Variants in CYP4F11 observed in about 807,000 individuals in gnomAD.
CYP4F11 encodes the protein cytochrome P450 family 4 subfamily F member 11.
CYP4F11 carries 79 observed loss-of-function variants against 62.2 expected under a neutral mutation model. The ratio of observed to expected loss-of-function variants is 1.27; its 90% confidence interval spans 1.06 to 1.53. The LOEUF (loss-of-function observed/expected upper bound fraction) is 1.53. Among genes scored for constraint, CYP4F11 ranks in the 40% most tolerant of loss-of-function variants. CYP4F11 has a pLI of 0.00. For synonymous variants in CYP4F11, 290 were observed against 263.7 expected (o/e 1.10, Z -0.97); for missense variants, 777 against 680.5 (o/e 1.14, Z -1.58).
At chr19:15,924,186 G>C in intron 5 of CYP4F11, 104 bp from the exon 6 acceptor site, 2 of 1,403,350 alleles carry the variant, frequency 1.4e-6, no homozygotes, top group South Asian at 1.3e-5. Context: ...TCCAGAAACA[G>C]CCAGGAGACT....
At chr19:15,928,203 A>G (rs967619805) in intron 2 of CYP4F11, 1 of 152,196 alleles carries the variant, frequency 6.6e-6, no homozygotes, top group Admixed American at 6.5e-5. Context: ...ACAATCTCAC[A>G]CTACATCTCA....
chr19:15,922,469 C>G (rs1230502053), intron 6 of CYP4F11, 39 bp from the exon 7 acceptor site: 1 of 1,601,322 alleles, frequency 6.2e-7, no homozygotes, highest in South Asian at 1.1e-5. Flanking sequence ...CCCCAAATCA[C>G]ACCAGCTCTG....
At chr19:15,934,106 C>G (rs1250227983) in intron 1 of CYP4F11, 105 bp downstream of exon 1, 3 of 1,249,576 alleles carry the variant, frequency 2.4e-6, no homozygotes, top group Non-Finnish European at 3.4e-6. Context: ...CTCTGTGTTC[C>G]CACACCCCAG....
At chr19:15,917,928 A>T (rs1004706222) in intron 8 of CYP4F11, among the ~76,000 whole-genome samples, 2 of 152,208 alleles carry the variant, frequency 1.3e-5, no homozygotes, top group African/African-American at 4.8e-5. Flanking sequence ...CAGAAATCCC[A>T]TTACTGGGTA....
rs192594623 is a variant in CYP4F11 at position 15,928,632 on chromosome 19, A to G, written c.343+825T>C. Among the ~76,000 whole-genome samples, 37 of 152,314 alleles carry G rather than the reference A, an allele frequency of 2.4e-4. No individual in the cohort carries two copies. In the East Asian group the frequency reaches 7.1e-3, roughly 29 times the overall value. On this transcript the variant is annotated intron_variant, in intron 2 of 11. Coordinates refer to ENST00000402119, the MANE Select transcript of CYP4F11 (RefSeq NM_021187.4). ...CTGAAAGAGACTTCAGCAGCCAGAG[A>G]GAGCTGAGGACCTGCCCAGAGTCAC...
At position 15,931,621 on chromosome 19, in the gene CYP4F11, CGAGG is replaced by C. The variant is rs1189449197; in HGVS notation, c.199-2024_199-2021del. ...GTGAGTGAGGAGAGGAATGAGTGAGCGAGGAGAGGAATGAGTGAGCGAGGAGAGG... is the reference window on the plus strand; with the variant it reads ...GTGAGTGAGGAGAGGAATGAGTGAGCAGAGGAATGAGTGAGCGAGGAGAGG... On this transcript the variant is annotated intron_variant, in intron 1 of 11. Coordinates refer to ENST00000402119, the MANE Select transcript of CYP4F11 (RefSeq NM_021187.4). Among the ~76,000 whole-genome samples the C allele has an allele frequency of 7.6e-3, 184 of 24,350 alleles. 4 individuals are homozygous for C. The highest frequency in any genetic ancestry group is 0.024 in the Middle Eastern group (1 of 42). 16.0% of individuals were successfully genotyped at this position (24,350 alleles called of 152,430 possible). A position where few individuals can be genotyped will look rare whatever the true frequency, so the allele number is the denominator to read the frequency against.
Position 15,913,370 on chromosome 19 carries a change from G to C in CYP4F11, c.*362C>G, listed in dbSNP as rs1284331919. 3.3e-6 allele frequency: 1 copy of C among 303,630 alleles called. No individual in the cohort carries two copies. The highest frequency in any genetic ancestry group is 6.3e-6 in the Non-Finnish European group (1 of 158,024). 18.8% of individuals were successfully genotyped at this position (303,630 alleles called of 1,614,324 possible). On this transcript the variant is annotated 3_prime_UTR_variant, in exon 12 of 12. Transcript: ENST00000402119. ...AGGACATTCCCAGGACAGATGAAGG[G>C]ATCTGCCCCTATGGTTGTTTCTCGC...
chr19:15,932,243 GGGAGA>G (rs1176082682), intron 1 of CYP4F11, among the ~76,000 whole-genome samples: 1 of 12,498 alleles, frequency 8.0e-5, no homozygotes, highest in African/African-American at 4.6e-4. Flanking sequence ...TGAGTGAGCG[GGGAGA>G]GGAATGAGTG....
chr19:15,934,488 G>T lies in CYP4F11; in HGVS notation c.-80C>A, dbSNP rs1044497604. The T allele has an allele frequency of 1.3e-6, 2 of 1,497,226 alleles. No homozygotes were observed. Among genetic ancestry groups the T allele is most frequent in the Admixed American group, 2.3e-5 (1 of 43,262 alleles). 92.7% of individuals were successfully genotyped at this position (1,497,226 alleles called of 1,614,324 possible). A position where few individuals can be genotyped will look rare whatever the true frequency, so the allele number is the denominator to read the frequency against. On this transcript the variant is annotated 5_prime_UTR_variant, in exon 1 of 12. Coordinates refer to ENST00000402119, the MANE Select transcript of CYP4F11 (RefSeq NM_021187.4). Reference sequence around the variant, plus strand: ...GGAAGCTCCAAGGACAGTGGAAAGGGGCAAGGATGGGCAGTGCTGGAGGCA... The same window carrying T: ...GGAAGCTCCAAGGACAGTGGAAAGGTGCAAGGATGGGCAGTGCTGGAGGCA...
intron 5 of CYP4F11, 47 bp downstream of exon 5, chr19:15,924,714 C>T (rs539294202): frequency 6.3e-7 from 1 of 1,592,740 alleles, no homozygotes; most frequent in Non-Finnish European, 8.6e-7. Flanking sequence ...CCAGCCTACT[C>T]CCTTGGGTTC....
At position 15,929,659 on chromosome 19, in the gene CYP4F11, T is replaced by C. The variant is rs2089696525; in HGVS notation, c.199-58A>G. On this transcript the variant is annotated intron_variant, in intron 1 of 11. Transcript: ENST00000402119. Reference sequence around the variant, plus strand: ...GATGGTTAATTCTAGGCATCCTGAATTAATCATGAATTCCACGTGACCGAG... The same window carrying C: ...GATGGTTAATTCTAGGCATCCTGAACTAATCATGAATTCCACGTGACCGAG... The C allele has an allele frequency of 3.9e-6, 6 of 1,524,878 alleles. No individual in the cohort carries two copies. The Admixed American group carries it at 1.1e-4, about 27-fold the overall frequency. 94.5% of individuals were successfully genotyped at this position (1,524,878 alleles called of 1,614,324 possible).
In CYP4F11 at chr19:15,913,176, C is replaced by G. The variant is rs1046466076; in HGVS notation, c.*556G>C. 6.2e-6 allele frequency: 1 copy of G among 160,448 alleles called. No individual in the cohort carries two copies. Among genetic ancestry groups the G allele is most frequent in the Non-Finnish European group, 1.4e-5 (1 of 72,146 alleles). 9.9% of individuals were successfully genotyped at this position (160,448 alleles called of 1,614,324 possible). On this transcript the variant is annotated 3_prime_UTR_variant, in exon 12 of 12. Coordinates refer to ENST00000402119, the MANE Select transcript of CYP4F11 (RefSeq NM_021187.4). The stretch of plus-strand genomic sequence containing the variant: ...GAGCCCAAGCAGTCTGGCTCCAGAT[C>G]CTATGCCTCTGAAAGTAAGGGAAGA...
Position 15,927,432 on chromosome 19 carries a change from A to G in CYP4F11, c.395T>C (p.Leu132Pro), listed in dbSNP as rs2089678976. Residue 132 changes from leucine (L) to proline (P), a missense_variant and splice_region_variant, in exon 3 of 12, where the codon CTG becomes CCG. Coordinates refer to ENST00000402119, the MANE Select transcript of CYP4F11 (RefSeq NM_021187.4). ...CCCCATTCACCTCAATTACTCACCC[A>G]GCCAGGGCTTCAGGAAGCCATAGAA... The part of the protein sequence containing the change: ...MIFYGFLKPW[L>P]GDGLLLSGGD... 1 of 1,614,140 alleles carries G rather than the reference A, an allele frequency of 6.2e-7. No homozygotes were observed. The highest frequency in any genetic ancestry group is 1.3e-5 in the African/African-American group (1 of 75,020).
Position 15,917,775 on chromosome 19 carries a change from C to T in CYP4F11, c.1116-2880G>A, listed in dbSNP as rs528162283. Among the ~76,000 whole-genome samples, 3 of 152,144 alleles carry T rather than the reference C, an allele frequency of 2.0e-5. No homozygotes were observed. In the South Asian group the frequency reaches 6.2e-4, roughly 32 times the overall value. On this transcript the variant is annotated intron_variant, in intron 8 of 11. Transcript: ENST00000402119. ...AAACAGCAATGTAAGATGATCTCTT[C>T]CACAAAAAGAAAAAAAATGGCAAGA...
Position 15,922,020 on chromosome 19 carries a change from C to T in CYP4F11, c.1115+17G>A, listed in dbSNP as rs1599374610. On this transcript the variant is annotated intron_variant, in intron 8 of 11. Coordinates refer to ENST00000402119, the MANE Select transcript of CYP4F11 (RefSeq NM_021187.4). ...CCAATGACAAAAGATCAGGAACAGG[C>T]CAGCACCTGCACTCACCATTCAATC... is the stretch of plus-strand genomic sequence containing the variant. 1 of 1,575,110 alleles carries T rather than the reference C, an allele frequency of 6.3e-7. No individual in the cohort carries two copies.
Position 15,923,969 on chromosome 19 carries a change from T to A in CYP4F11, c.761A>T (p.Gln254Leu), listed in dbSNP as rs1229869175. ...DFLYYLTPDG[Q>L]RFRRACHLVH... Reference sequence around the variant, plus strand: ...CAGGTGGCAGGCCCTGCGGAAGCGCTGCCCATCAGGAGTGAGATAATACAG... The same window carrying A: ...CAGGTGGCAGGCCCTGCGGAAGCGCAGCCCATCAGGAGTGAGATAATACAG... The change falls in exon 6 of 12, where the codon CAG becomes CTG. Residue 254 changes from glutamine (Q) to leucine (L), a missense_variant. Coordinates refer to ENST00000402119, the MANE Select transcript of CYP4F11 (RefSeq NM_021187.4). 2 of 1,614,160 alleles carry A rather than the reference T, an allele frequency of 1.2e-6. No homozygotes were observed. The highest frequency in any genetic ancestry group is 1.6e-4 in the Middle Eastern group (1 of 6,062).
intron 4 of CYP4F11, among the ~76,000 whole-genome samples, chr19:15,926,984 G>T (rs1382304209): frequency 6.6e-6 from 1 of 152,212 alleles, no homozygotes; most frequent in Non-Finnish European, 1.5e-5. Flanking sequence ...GGATTTCTGT[G>T]AGAGAAGCAT....
intron 5 of CYP4F11, 95 bp downstream of exon 5, chr19:15,924,666 G>C (rs1046580575): frequency 3.5e-5 from 52 of 1,484,928 alleles, no homozygotes; most frequent in Admixed American, 3.7e-5. Context: ...AGTGCCTTCA[G>C]AAAGGCACTT....
intron 8 of CYP4F11, among the ~76,000 whole-genome samples, chr19:15,920,157 TAAC>T (rs1171591334): frequency 6.6e-6 from 1 of 152,212 alleles, no homozygotes; most frequent in African/African-American, 2.4e-5. Flanking sequence ...GTGTACATCA[TAAC>T]ATCACAGTGT....
Sources: gnomAD v4.1 joint callset for allele counts (sites outside exome capture counted in the v4.1 genomes callset) on GRCh38, gnomAD v4.1.1 for gene constraint, MANE v1.5 for transcripts, NCBI Gene and HGNC (gene_info 2026-07-23, HGNC 2026-07-21) for gene names.